Variants in TIMP2 observed in about 807,000 individuals in gnomAD.
TIMP2 encodes the protein TIMP metallopeptidase inhibitor 2.
TIMP2 carries 5 observed loss-of-function variants against 24.3 expected under a neutral mutation model. The observed-to-expected ratio is 0.21, with a 90% CI of 0.11 to 0.43. The LOEUF is 0.43. TIMP2 is among the 20% of genes least tolerant of loss of function. The pLI is 1.00. For synonymous variants in TIMP2, 130 were observed against 123.2 expected (o/e 1.06, Z -0.37); for missense variants, 221 against 297.5 (o/e 0.74, Z 1.89).
chr17:78,868,982 T>C (rs1374550541), intron 3 of TIMP2, among the ~76,000 whole-genome samples: 1 of 152,154 alleles, frequency 6.6e-6, no homozygotes, highest in African/African-American at 2.4e-5. Flanking sequence ...ATGCATAAGG[T>C]AGGCCCCCAC....
chr17:78,925,115 G>A lies in TIMP2; in HGVS notation c.-27C>T, dbSNP rs2070340365. 1 of 745,376 alleles carries A rather than the reference G, an allele frequency of 1.3e-6. No homozygotes were observed. Among genetic ancestry groups the A allele is most frequent in the Non-Finnish European group, 1.6e-6 (1 of 613,424 alleles). 46.2% of individuals were successfully genotyped at this position (745,376 alleles called of 1,614,324 possible). On this transcript the variant is annotated 5_prime_UTR_variant, in exon 1 of 5. Coordinates refer to ENST00000262768, the MANE Select transcript of TIMP2 (RefSeq NM_003255.5). The stretch of plus-strand genomic sequence containing the variant: ...GCGGGCCGGGGGGCTGGGCGGGCGG[G>A]GGCCGCCGCTGGGGGGTCCGGGCGC...
chr17:78,914,926 T>G (rs954498811), intron 1 of TIMP2, among the ~76,000 whole-genome samples: 5 of 145,844 alleles, frequency 3.4e-5, no homozygotes, highest in African/African-American at 1.0e-4. Flanking sequence ...AGACGGAGTC[T>G]TGCTCTGTTG....
At chr17:78,878,321 A>G (rs1455908715) in intron 1 of TIMP2, among the ~76,000 whole-genome samples, 1 of 152,210 alleles carries the variant, frequency 6.6e-6, no homozygotes, top group East Asian at 1.9e-4. Context: ...CCTAAGACAG[A>G]GACGATGACA....
intron 1 of TIMP2, among the ~76,000 whole-genome samples, chr17:78,916,568 C>T (rs1336086556): frequency 1.3e-5 from 2 of 152,328 alleles, no homozygotes; most frequent in African/African-American, 4.8e-5. Context: ...CCCATGGCCC[C>T]GCTCAGGGCC....
chr17:78,855,354 G>T lies in TIMP2; in HGVS notation c.*313C>A. 1 of 423,942 alleles carries T rather than the reference G, an allele frequency of 2.4e-6. No homozygotes were observed. Among genetic ancestry groups the T allele is most frequent in the South Asian group, 2.6e-5 (1 of 38,572 alleles). The allele number at this position is 423,942 out of a possible 1,614,324, so 26.3% of individuals were successfully genotyped here. A position where few individuals can be genotyped will look rare whatever the true frequency, so the allele number is the denominator to read the frequency against. ...GAGATCCCTAAGTGCTGCCTGCTTG[G>T]CATCTGTGACGGTGCCAAGGCAGGG... On this transcript the variant is annotated 3_prime_UTR_variant, in exon 5 of 5. Transcript: ENST00000262768. This position sits in a 1 kb window ranked among gnomAD's most constrained non-coding sequence, Gnocchi z 6.0.
chr17:78,881,777 G>T (rs543183616), intron 1 of TIMP2, among the ~76,000 whole-genome samples: 15 of 152,350 alleles, frequency 9.8e-5, no homozygotes, highest in African/African-American at 2.2e-4. Context: ...TCCACGCCTT[G>T]TCTAAACTCT....
chr17:78,907,008 G>A (rs1264072374), intron 1 of TIMP2, among the ~76,000 whole-genome samples: 3 of 152,056 alleles, frequency 2.0e-5, no homozygotes, highest in South Asian at 2.1e-4. Context: ...CTTTCAACAC[G>A]CCTTCCTCAC....
At chr17:78,866,050 G>A (rs535750908) in intron 3 of TIMP2, among the ~76,000 whole-genome samples, 2 of 152,274 alleles carry the variant, frequency 1.3e-5, no homozygotes, top group Non-Finnish European at 2.9e-5. Flanking sequence ...CCTGCACCAC[G>A]GGGGATTCTG....
At chr17:78,866,519 G>C (rs117816698) in intron 3 of TIMP2, among the ~76,000 whole-genome samples, 13,459 of 80,688 alleles carry the variant, frequency 0.17, 806 homozygotes, top group African/African-American at 0.27. Flanking sequence ...CCCCACCCCC[G>C]ACCCCACCAA....
intron 1 of TIMP2, chr17:78,922,187 C>G (rs754490245): frequency 6.6e-6 from 1 of 152,224 alleles, no homozygotes; most frequent in Non-Finnish European, 1.5e-5. Context: ...GAATGGGGAA[C>G]CATTGCTGAG....
intron 1 of TIMP2, among the ~76,000 whole-genome samples, chr17:78,878,361 G>A (rs995674041): frequency 6.6e-6 from 1 of 152,190 alleles, no homozygotes; most frequent in Non-Finnish European, 1.5e-5. Flanking sequence ...AGGTCGTGGT[G>A]ACTGTTAGAG....
intron 3 of TIMP2, among the ~76,000 whole-genome samples, chr17:78,860,794 A>C (rs549254928): frequency 1.3e-5 from 2 of 152,238 alleles, no homozygotes; most frequent in South Asian, 4.2e-4. Context: ...CCAGCACTTT[A>C]GGAGGCCAGG....
rs373812601 is a variant in TIMP2 at position 78,890,672 on chromosome 17, C to T, written c.131-16753G>A. 18 of 1,550,468 alleles carry T rather than the reference C, an allele frequency of 1.2e-5. No individual in the cohort carries two copies. The African/African-American group carries it at 1.4e-4, about 12-fold the overall frequency. ...GTTCTGAAACTCCCGCAAGCATTTC[C>T]GGGCTTCTTCAAGAAACTGCTTGTG... On this transcript the variant is annotated intron_variant, in intron 1 of 4. Transcript: ENST00000262768.
chr17:78,909,501 G>A (rs979358714), intron 1 of TIMP2, among the ~76,000 whole-genome samples: 16 of 147,920 alleles, frequency 1.1e-4, no homozygotes, highest in Non-Finnish European at 1.8e-4. Context: ...TCTCCCTCAT[G>A]TCACGTCAAG....
Position 78,890,921 on chromosome 17 carries a change from A to G in TIMP2, c.131-17002T>C, listed in dbSNP as rs59181893. The G allele has an allele frequency of 6.0e-3, 9,229 of 1,550,618 alleles. 486 individuals are homozygous for G. In the African/African-American group the frequency reaches 0.11, roughly 19 times the overall value. On this transcript the variant is annotated intron_variant, in intron 1 of 4. Transcript: ENST00000262768. ...AGCTTTGTAGTGGATTTCCAAGCTC[A>G]TATCTGGGTGTTCCATTTGTTCAAG...
intron 3 of TIMP2, among the ~76,000 whole-genome samples, chr17:78,859,480 C>T (rs529174264): frequency 2.0e-5 from 3 of 151,498 alleles, no homozygotes; most frequent in African/African-American, 4.8e-5. Context: ...GCCAACATGG[C>T]GAAACCCCGT....
chr17:78,869,290 A>G (rs2069648679), intron 3 of TIMP2, among the ~76,000 whole-genome samples: 1 of 151,460 alleles, frequency 6.6e-6, no homozygotes, highest in African/African-American at 2.4e-5. Flanking sequence ...GTGGTGGCAC[A>G]CACCTGTAGT....
intron 1 of TIMP2, among the ~76,000 whole-genome samples, chr17:78,884,485 T>C (rs2069808055): frequency 6.6e-6 from 1 of 152,030 alleles, no homozygotes; most frequent in Non-Finnish European, 1.5e-5. Context: ...AACAGGGACA[T>C]GAAGGACATG....
chr17:78,889,995 T>C (rs1014486512), intron 1 of TIMP2, among the ~76,000 whole-genome samples: 1 of 152,062 alleles, frequency 6.6e-6, no homozygotes, highest in Non-Finnish European at 1.5e-5. Flanking sequence ...GGCAGGCGCC[T>C]ATAATCCCAG....
Sources: allele counts gnomAD v4.1 joint callset (sites outside exome capture counted in the v4.1 genomes callset), GRCh38; gene constraint gnomAD v4.1.1; non-coding constraint Gnocchi (gnomAD v3.1); transcripts MANE v1.5; gene names NCBI Gene and HGNC (gene_info 2026-07-23, HGNC 2026-07-21).